Variants in MEI4 observed in about 807,000 individuals in gnomAD.
MEI4 encodes meiosis-specific protein MEI4.
In MEI4, 27 loss-of-function variants were observed where a neutral mutation model predicts 31.4. That is an observed-to-expected ratio of 0.86 (90% confidence interval 0.63 to 1.19). The LOEUF (loss-of-function observed/expected upper bound fraction) is 1.19. Among genes scored for constraint, MEI4 ranks in the 50% most tolerant of loss-of-function variants. MEI4 has a pLI of 0.00. For missense variants in MEI4, 329 were observed against 398.9 expected, an observed-to-expected ratio of 0.82 and a Z score of 1.49; for synonymous variants, 122 against 145.4, an observed-to-expected ratio of 0.84 and a Z score of 1.16.
At chr6:77,918,430 C>T (rs1766618368) in intron 4 of MEI4, among the ~76,000 whole-genome samples, 1 of 134,072 alleles carries the variant, frequency 7.5e-6, no homozygotes, top group Admixed American at 7.7e-5. Flanking sequence ...TGTTTGTATC[C>T]TCTTTTATTT....
intron 4 of MEI4, among the ~76,000 whole-genome samples, chr6:77,866,751 C>T (rs957578910): frequency 6.6e-6 from 1 of 152,160 alleles, no homozygotes; most frequent in Admixed American, 6.5e-5. Flanking sequence ...CAAAAAAGAG[C>T]CCACATTGCC....
chr6:77,740,453 T>A (rs1168015800), intron 2 of MEI4, among the ~76,000 whole-genome samples: 1 of 152,206 alleles, frequency 6.6e-6, no homozygotes, highest in Admixed American at 6.5e-5. Flanking sequence ...CTTTTCTTTG[T>A]CACCATTTCT....
At chr6:77,691,311 C>T (rs1314256413) in intron 2 of MEI4, among the ~76,000 whole-genome samples, 1 of 152,020 alleles carries the variant, frequency 6.6e-6, no homozygotes, top group East Asian at 1.9e-4. Flanking sequence ...GTCCTTGCTA[C>T]TAAGTGTCTA....
At chr6:77,729,588 T>C (rs1271741753) in intron 2 of MEI4, among the ~76,000 whole-genome samples, 2 of 152,192 alleles carry the variant, frequency 1.3e-5, no homozygotes, top group African/African-American at 4.8e-5. Context: ...AAGAAACAGG[T>C]AATGCAGGCT....
chr6:77,915,100 T>C (rs1766515287), intron 4 of MEI4, among the ~76,000 whole-genome samples: 1 of 152,136 alleles, frequency 6.6e-6, no homozygotes, highest in Non-Finnish European at 1.5e-5. Flanking sequence ...ATTTTACTAA[T>C]TGGTTTCTGG....
At chr6:77,846,280 G>T (rs1409671735) in intron 4 of MEI4, among the ~76,000 whole-genome samples, 1 of 151,698 alleles carries the variant, frequency 6.6e-6, no homozygotes, top group Non-Finnish European at 1.5e-5. Context: ...TCTGTCCTCA[G>T]TTCATCACAT....
chr6:77,748,149 C>T (rs1767664811), intron 2 of MEI4, among the ~76,000 whole-genome samples: 1 of 152,170 alleles, frequency 6.6e-6, no homozygotes, highest in Non-Finnish European at 1.5e-5. Flanking sequence ...ATCTGGGGGA[C>T]AGTAGCCCTC....
chr6:77,772,977 T>C (rs1768353063), intron 3 of MEI4, among the ~76,000 whole-genome samples: 2 of 131,078 alleles, frequency 1.5e-5, no homozygotes, highest in Non-Finnish European at 3.3e-5. Flanking sequence ...AAAAGACCTA[T>C]GAATAAAGAA....
At chr6:77,886,390 T>C (rs1771618649) in intron 4 of MEI4, among the ~76,000 whole-genome samples, 1 of 152,050 alleles carries the variant, frequency 6.6e-6, no homozygotes, top group African/African-American at 2.4e-5. Flanking sequence ...TGGTAGGTTG[T>C]ACGTGTCCAA....
upstream of MEI4, among the ~76,000 whole-genome samples, chr6:77,651,134 T>C (rs551072432): frequency 2.3e-4 from 35 of 152,184 alleles, no homozygotes; most frequent in Non-Finnish European, 4.7e-4. Flanking sequence ...GTGTGGGACA[T>C]GGGGGCTTGA....
intron 4 of MEI4, 31 bp from the exon 5 acceptor site, chr6:77,923,057 AT>A (rs1766747081): frequency 1.5e-5 from 18 of 1,222,848 alleles, no homozygotes; most frequent in Non-Finnish European, 1.7e-5. Context: ...TTTATACCCA[AT>A]TTTTTAAAGG....
chr6:77,702,881 C>T (rs1319067313), intron 2 of MEI4, among the ~76,000 whole-genome samples: 2 of 152,160 alleles, frequency 1.3e-5, no homozygotes, highest in Non-Finnish European at 2.9e-5. Context: ...AGGGTATGTT[C>T]TCCCCCTCCT....
At chr6:77,745,092 A>T (rs1232611987) in intron 2 of MEI4, among the ~76,000 whole-genome samples, 1 of 152,220 alleles carries the variant, frequency 6.6e-6, no homozygotes, top group Admixed American at 6.5e-5. Flanking sequence ...TAGCATCATA[A>T]TGACAGGATC....
chr6:77,744,728 G>C (rs144076698), intron 2 of MEI4, among the ~76,000 whole-genome samples: 669 of 152,260 alleles, frequency 4.4e-3, no homozygotes, highest in Non-Finnish European at 7.7e-3. Context: ...AGAAAGGTAT[G>C]GTTACCCACA....
At chr6:77,707,523 G>A (rs113117264) in intron 2 of MEI4, among the ~76,000 whole-genome samples, 166 of 152,308 alleles carry the variant, frequency 1.1e-3, no homozygotes, top group African/African-American at 2.6e-3. Context: ...TTTCATGGGA[G>A]GAATTCAAGT....
intron 3 of MEI4, among the ~76,000 whole-genome samples, chr6:77,781,352 G>A (rs891400716): frequency 1.3e-5 from 2 of 151,978 alleles, no homozygotes; most frequent in Non-Finnish European, 2.9e-5. Context: ...GTCTATATCA[G>A]TGCAATTAGA....
At chr6:77,835,762 CAT>C (rs896143587) in intron 4 of MEI4, among the ~76,000 whole-genome samples, 1 of 151,880 alleles carries the variant, frequency 6.6e-6, no homozygotes, top group African/African-American at 2.4e-5. Context: ...TTGGATATAA[CAT>C]AAATTTCTAT....
intron 4 of MEI4, among the ~76,000 whole-genome samples, chr6:77,846,887 T>C (rs1393593658): frequency 6.6e-6 from 1 of 152,120 alleles, no homozygotes; most frequent in Non-Finnish European, 1.5e-5. Flanking sequence ...CCCCACCCTG[T>C]TGTTTGGTGA....
At chr6:77,731,402 GT>G (rs1283266316) in intron 2 of MEI4, among the ~76,000 whole-genome samples, 1 of 151,376 alleles carries the variant, frequency 6.6e-6, no homozygotes, top group African/African-American at 2.4e-5. Context: ...TTTTTCCTGT[GT>G]TTTTTGGCTG....
Sources: allele counts gnomAD v4.1 joint callset (sites outside exome capture counted in the v4.1 genomes callset), GRCh38; gene constraint gnomAD v4.1.1; transcripts MANE v1.5; gene names NCBI Gene and HGNC (gene_info 2026-07-23, HGNC 2026-07-21).